Variants in PRKACB observed in about 807,000 individuals in gnomAD.
The protein encoded by PRKACB is cAMP-dependent protein kinase catalytic subunit beta.
A neutral mutation model predicts 51.4 loss-of-function variants in PRKACB; 16 were observed. That is an observed-to-expected ratio of 0.31 (90% CI 0.21 to 0.47). The LOEUF (loss-of-function observed/expected upper bound fraction) is 0.47. PRKACB is among the 20% of genes least tolerant of loss of function. The pLI is 1.00. For synonymous variants in PRKACB, 147 were observed against 154.4 expected, an observed-to-expected ratio of 0.95 and a Z score of 0.35; for missense variants, 309 against 464.5, an observed-to-expected ratio of 0.67 and a Z score of 3.08.
intron 5 of PRKACB, among the ~76,000 whole-genome samples, chr1:84,188,698 A>T (rs987242065): frequency 1.3e-5 from 2 of 151,974 alleles, no homozygotes; most frequent in African/African-American, 2.4e-5. Context: ...TATATAATTT[A>T]AAAATAAATC....
exon 1 of PRKACB, chr1:84,078,189 G>C: frequency 2.1e-6 from 2 of 951,096 alleles, no homozygotes; most frequent in East Asian, 2.9e-5. Flanking sequence ...CTTCGCGCCC[G>C]GACTCCTGGC....
chr1:84,140,830 C>A (rs1174289375), upstream of PRKACB, among the ~76,000 whole-genome samples: 2 of 152,036 alleles, frequency 1.3e-5, no homozygotes, highest in Non-Finnish European at 2.9e-5. Context: ...GTACAAGAAA[C>A]CCTGATCTAG....
intron 1 of PRKACB, among the ~76,000 whole-genome samples, chr1:84,171,873 C>T (rs1252181940): frequency 6.6e-6 from 1 of 151,558 alleles, no homozygotes; most frequent in Non-Finnish European, 1.5e-5. Flanking sequence ...ATGTTCTATA[C>T]ATCAGCAACA....
At chr1:84,191,083 C>T (rs1470034959) in intron 5 of PRKACB, among the ~76,000 whole-genome samples, 2 of 152,048 alleles carry the variant, frequency 1.3e-5, no homozygotes, top group African/African-American at 4.8e-5. Flanking sequence ...GATTGCTTTG[C>T]AGACTTGATT....
At chr1:84,181,164 G>A (rs1450408190) in intron 2 of PRKACB, among the ~76,000 whole-genome samples, 1 of 151,876 alleles carries the variant, frequency 6.6e-6, no homozygotes, top group Non-Finnish European at 1.5e-5. Context: ...GTCTCAAAAG[G>A]CAAGGTTTGA....
At chr1:84,137,543 A>T (rs546486200) in intron 1 of PRKACB, among the ~76,000 whole-genome samples, 1 of 152,328 alleles carries the variant, frequency 6.6e-6, no homozygotes, top group African/African-American at 2.4e-5. Context: ...GGATCTGAGG[A>T]TGGAATGCAG....
chr1:84,234,147 C>G (rs1412930514), intron 9 of PRKACB, among the ~76,000 whole-genome samples: 3 of 152,180 alleles, frequency 2.0e-5, no homozygotes, highest in Non-Finnish European at 4.4e-5. Context: ...GGACCCTCAG[C>G]TGCAGGTCTG....
intron 1 of PRKACB, among the ~76,000 whole-genome samples, chr1:84,173,908 C>A (rs1322950577): frequency 6.6e-6 from 1 of 151,568 alleles, no homozygotes; most frequent in East Asian, 1.9e-4. Flanking sequence ...TTTTAATAGC[C>A]CTGTTCCTTA....
chr1:84,210,897 A>G (rs1173001744), intron 8 of PRKACB, among the ~76,000 whole-genome samples: 1 of 152,184 alleles, frequency 6.6e-6, no homozygotes, highest in Non-Finnish European at 1.5e-5. Context: ...TTTCAGAATA[A>G]TCATGGGAAA....
intron 7 of PRKACB, among the ~76,000 whole-genome samples, chr1:84,202,426 A>G (rs1413612469): frequency 2.6e-5 from 4 of 152,072 alleles, no homozygotes; most frequent in African/African-American, 9.6e-5. Flanking sequence ...TGTCTATAAT[A>G]TTCTTAATAA....
At chr1:84,192,861 T>C (rs1558205694) in intron 5 of PRKACB, among the ~76,000 whole-genome samples, 1 of 152,198 alleles carries the variant, frequency 6.6e-6, no homozygotes, top group South Asian at 2.1e-4. Context: ...TTTGAGAGCC[T>C]ATTTTTAACT....
chr1:84,142,907 A>G (rs956003655), upstream of PRKACB, among the ~76,000 whole-genome samples: 1 of 151,976 alleles, frequency 6.6e-6, no homozygotes, highest in African/African-American at 2.4e-5. Flanking sequence ...TCTATTTTTT[A>G]TGTTTGTCAA....
intron 1 of PRKACB, among the ~76,000 whole-genome samples, chr1:84,169,230 T>C (rs532989293): frequency 4.0e-5 from 6 of 151,712 alleles, no homozygotes; most frequent in African/African-American, 1.4e-4. Flanking sequence ...TAGAAAATAT[T>C]TGTGCAGGAG....
chr1:84,125,607 A>G (rs746492846), intron 1 of PRKACB, among the ~76,000 whole-genome samples: 6 of 152,202 alleles, frequency 3.9e-5, no homozygotes, highest in Admixed American at 6.5e-5. Context: ...CAGAGAGCCT[A>G]CGACCTTTGG....
chr1:84,187,361 AAGC>A (rs1484156804), intron 5 of PRKACB, among the ~76,000 whole-genome samples: 1 of 152,156 alleles, frequency 6.6e-6, no homozygotes, highest in Non-Finnish European at 1.5e-5. Context: ...TTAAGTGAAA[AAGC>A]AGGCATTAAG....
intron 1 of PRKACB, among the ~76,000 whole-genome samples, chr1:84,091,667 G>A (rs376848789): frequency 1.1e-3 from 167 of 152,012 alleles, no homozygotes; most frequent in African/African-American, 3.9e-3. Context: ...GCCCTGCCTG[G>A]CTAATTTTCG....
intron 1 of PRKACB, among the ~76,000 whole-genome samples, chr1:84,176,400 C>A (rs947832296): frequency 6.6e-6 from 1 of 151,844 alleles, no homozygotes; most frequent in South Asian, 2.1e-4. Flanking sequence ...AAATTCAAAG[C>A]AAATGCATGT....
chr1:84,164,521 A>T, intron 1 of PRKACB: 1 of 1,480,386 alleles, frequency 6.8e-7, no homozygotes, highest in South Asian at 1.2e-5. Context: ...ATTTATAATC[A>T]TGTGGCTCTA....
chr1:84,220,950 C>T (rs1403904091), intron 9 of PRKACB, among the ~76,000 whole-genome samples: 2 of 151,978 alleles, frequency 1.3e-5, no homozygotes, highest in Non-Finnish European at 2.9e-5. Context: ...TACTGCTGGC[C>T]TCGTAGAATA....
Sources: gnomAD v4.1 joint callset for allele counts (sites outside exome capture counted in the v4.1 genomes callset) on GRCh38, gnomAD v4.1.1 for gene constraint, MANE v1.5 for transcripts, NCBI Gene and HGNC (gene_info 2026-07-23, HGNC 2026-07-21) for gene names.